NOS1: variants seen among roughly 807,000 people sequenced by gnomAD.
The protein encoded by NOS1 is NOS type I.
NOS1 carries 51 observed loss-of-function variants against 164.5 expected under a neutral mutation model. That is an observed-to-expected ratio of 0.31 (90% CI 0.25 to 0.39). NOS1 has a LOEUF of 0.39. NOS1 is among the 10% of genes least tolerant of loss of function. The pLI, the probability that NOS1 is intolerant of heterozygous loss-of-function variation, is 1.00. For synonymous variants in NOS1, 719 were observed against 745.8 expected (o/e 0.96, Z 0.59); for missense variants, 1,362 against 1,885.6 (o/e 0.72, Z 5.14).
rs1869509960 is a variant in NOS1 at position 117,234,235 on chromosome 12, AT to A, written c.3235+329del. On this transcript the variant is annotated intron_variant, in intron 21 of 28. Transcript: ENST00000317775. The surrounding 1 kb of genome is among the most constrained non-coding windows in gnomAD (Gnocchi z 4.3). ...CTTGGTGGACAATGGGGTACTAGAG[AT>A]TTTCCTGAGGGCTAGTGGTGAGGAT... is the stretch of plus-strand genomic sequence containing the variant. Among the ~76,000 whole-genome samples, 1 of 152,060 alleles carries A rather than the reference AT, an allele frequency of 6.6e-6. No homozygotes were observed. The highest frequency in any genetic ancestry group is 1.5e-5 in the Non-Finnish European group (1 of 67,998).
In NOS1 at chr12:117,272,200, G is replaced by A. The variant is rs973727091; in HGVS notation, c.1839+185C>T. On this transcript the variant is annotated intron_variant, in intron 10 of 28. Transcript: ENST00000317775. This position sits in a 1 kb window ranked among gnomAD's most constrained non-coding sequence, Gnocchi z 4.3. Reference sequence around the variant, plus strand: ...GCTATGTGCTATGTGCGTGTTTGCTGTTATTTTCATTGTTGTTAAAGACAT... The same window carrying A: ...GCTATGTGCTATGTGCGTGTTTGCTATTATTTTCATTGTTGTTAAAGACAT... Among the ~76,000 whole-genome samples, 2 of 152,164 alleles carry A rather than the reference G, an allele frequency of 1.3e-5. No individual in the cohort carries two copies. The highest frequency in any genetic ancestry group is 4.8e-5 in the African/African-American group (2 of 41,440).
intron 2 of NOS1, among the ~76,000 whole-genome samples, chr12:117,319,561 C>T (rs1034208055): frequency 1.3e-5 from 2 of 152,200 alleles, no homozygotes; most frequent in African/African-American, 4.8e-5. Context: ...AGAGACCCCG[C>T]AGTGGCCCCT....
In NOS1 at chr12:117,279,384, A is replaced by C. The variant is rs34322576; in HGVS notation, c.1525-1286T>G. 0.02 allele frequency among the ~76,000 whole-genome samples: 1,441 copies of C among 70,464 alleles called. 79 individuals are homozygous for C. The East Asian group carries it at 0.28, about 14-fold the overall frequency. The allele number at this position is 70,464 out of a possible 152,430, so 46.2% of individuals were successfully genotyped here. Reference sequence around the variant, plus strand: ...CTCCATCTCAAAAAACAAAAAAAAAACCAAAAAAAACAAACCAAGATCAAT... The same window carrying C: ...CTCCATCTCAAAAAACAAAAAAAAACCCAAAAAAAACAAACCAAGATCAAT... On this transcript the variant is annotated intron_variant, in intron 8 of 28. Transcript: ENST00000317775.
At chr12:117,252,627 C>T (rs933279442) in intron 17 of NOS1, among the ~76,000 whole-genome samples, 1 of 152,150 alleles carries the variant, frequency 6.6e-6, no homozygotes, top group African/African-American at 2.4e-5. Context: ...GTGTGGGATG[C>T]TGATAGGAGG....
intron 3 of NOS1, among the ~76,000 whole-genome samples, chr12:117,304,567 G>T (rs1348394050): frequency 6.6e-6 from 1 of 152,212 alleles, no homozygotes; most frequent in African/African-American, 2.4e-5. Context: ...GCACACGGCA[G>T]GTTATCAAGT....
intron 3 of NOS1, among the ~76,000 whole-genome samples, chr12:117,311,014 C>T (rs529994391): frequency 3.3e-5 from 5 of 152,068 alleles, no homozygotes; most frequent in African/African-American, 7.2e-5. Flanking sequence ...TACAGGCGCC[C>T]GCCACCATGC....
intron 3 of NOS1, among the ~76,000 whole-genome samples, chr12:117,295,615 CT>C (rs33913257): frequency 0.35 from 36,020 of 104,112 alleles, 3,882 homozygotes; most frequent in Middle Eastern, 0.44. Flanking sequence ...CCTGATCATT[CT>C]TTTTTTTTTT....
intron 9 of NOS1, among the ~76,000 whole-genome samples, chr12:117,277,312 C>T (rs1489490161): frequency 6.6e-6 from 1 of 151,888 alleles, no homozygotes; most frequent in East Asian, 2.0e-4. Flanking sequence ...GGGTCAGGTA[C>T]AGTGGCTCAT....
At chr12:117,220,369 G>A in intron 26 of NOS1, 100 bp from the exon 27 acceptor site, 1 of 1,174,126 alleles carries the variant, frequency 8.5e-7, no homozygotes. Flanking sequence ...AGGGGCTTGT[G>A]GGCAGGTAGG....
rs1446164172 is a variant in NOS1 at position 117,244,175 on chromosome 12, AT to A, written c.2824-741del. ...TGAATGTCTGGATGACTGCAAATAC[AT>A]TTTTCTTTTTTTTTTTTGGTCAAGC... On this transcript the variant is annotated intron_variant, in intron 18 of 28. Coordinates refer to ENST00000317775, the MANE Select transcript of NOS1 (RefSeq NM_000620.5). Among the ~76,000 whole-genome samples the A allele has an allele frequency of 3.3e-5, 5 of 149,866 alleles. No homozygotes were observed. In the East Asian group the frequency reaches 9.7e-4, roughly 29 times the overall value.
chr12:117,307,612 C>A (rs1267047286), intron 3 of NOS1, among the ~76,000 whole-genome samples: 1 of 152,178 alleles, frequency 6.6e-6, no homozygotes, highest in Admixed American at 6.5e-5. Flanking sequence ...AGCGATCCAC[C>A]TGCCTTGGCT....
At position 117,331,813 on chromosome 12, in the gene NOS1, C is replaced by T. The variant is rs9658273; in HGVS notation, c.-420-324G>A. On this transcript the variant is annotated intron_variant, in intron 1 of 28. Coordinates refer to ENST00000317775, the MANE Select transcript of NOS1 (RefSeq NM_000620.5). ...AAAGACCTCTCTTATCTCTTTCCCA[C>T]CACGAGAGGTCATCAGTCCAACTTG... Among the ~76,000 whole-genome samples, 1,442 of 152,280 alleles carry T rather than the reference C, an allele frequency of 9.5e-3. 35 individuals are homozygous for T. The South Asian group carries it at 0.096, about 10-fold the overall frequency.
intron 9 of NOS1, among the ~76,000 whole-genome samples, chr12:117,275,441 A>T (rs965428135): frequency 6.6e-6 from 1 of 151,444 alleles, no homozygotes; most frequent in African/African-American, 2.4e-5. Context: ...GGTAGAAGCT[A>T]CAAAAAAAGT....
chr12:117,224,150 C>T (rs9658516), intron 25 of NOS1, among the ~76,000 whole-genome samples: 5 of 152,200 alleles, frequency 3.3e-5, no homozygotes, highest in Admixed American at 6.5e-5. Context: ...TTTTTATAAT[C>T]ATCCCTCAAA....
intron 20 of NOS1, among the ~76,000 whole-genome samples, chr12:117,236,207 A>G (rs1009124936): frequency 6.6e-6 from 1 of 152,036 alleles, no homozygotes; most frequent in African/African-American, 2.4e-5. Flanking sequence ...CTTTTTCTTC[A>G]TTGCCAATTA....
chr12:117,209,981 A>C lies in NOS1; in HGVS notation c.*5328T>G. ...TCCCAGCACCTGGTCTTTCATTTTA[A>C]TTTTTTTTAGAGACAGGGTCTTGCT... is the stretch of plus-strand genomic sequence containing the variant. On this transcript the variant is annotated 3_prime_UTR_variant, in exon 29 of 29. Coordinates refer to ENST00000317775, the MANE Select transcript of NOS1 (RefSeq NM_000620.5). 1 of 984,492 alleles carries C rather than the reference A, an allele frequency of 1.0e-6. No homozygotes were observed. Among genetic ancestry groups the C allele is most frequent in the Non-Finnish European group, 1.2e-6 (1 of 829,520 alleles). The allele number at this position is 984,492 out of a possible 1,614,324, so 61.0% of individuals were successfully genotyped here. A position where few individuals can be genotyped will look rare whatever the true frequency, so the allele number is the denominator to read the frequency against.
In NOS1 at chr12:117,209,703, C is replaced by G; in HGVS notation, c.*5606G>C. 1.0e-6 allele frequency: 1 copy of G among 985,506 alleles called. No individual in the cohort carries two copies. Among genetic ancestry groups the G allele is most frequent in the Non-Finnish European group, 1.2e-6 (1 of 829,956 alleles). The allele number at this position is 985,506 out of a possible 1,614,324, so 61.0% of individuals were successfully genotyped here. Reference sequence around the variant, plus strand: ...TAAGTATTAATAGGAAACAGACTCTCGACAGACACTGCTTTCCACGGGTGA... The same window carrying G: ...TAAGTATTAATAGGAAACAGACTCTGGACAGACACTGCTTTCCACGGGTGA... On this transcript the variant is annotated 3_prime_UTR_variant, in exon 29 of 29. Coordinates refer to ENST00000317775, the MANE Select transcript of NOS1 (RefSeq NM_000620.5).
intron 5 of NOS1, among the ~76,000 whole-genome samples, chr12:117,286,818 G>A (rs561035522): frequency 1.3e-5 from 2 of 152,284 alleles, no homozygotes; most frequent in South Asian, 4.2e-4. Context: ...CTGCTATCTT[G>A]AACCTGGCAT....
chr12:117,283,914 G>C (rs1019436546), intron 7 of NOS1, among the ~76,000 whole-genome samples: 1 of 150,624 alleles, frequency 6.6e-6, no homozygotes, highest in Non-Finnish European at 1.5e-5. Flanking sequence ...ACTCTTTGAG[G>C]GCCTAATCTC....
Sources: gnomAD v4.1 joint callset for allele counts (sites outside exome capture counted in the v4.1 genomes callset) on GRCh38, gnomAD v4.1.1 for gene constraint, Gnocchi (gnomAD v3.1) non-coding constraint, MANE v1.5 for transcripts, NCBI Gene and HGNC (gene_info 2026-07-23, HGNC 2026-07-21) for gene names.